KIF13B: variants seen among roughly 807,000 people sequenced by gnomAD.
KIF13B encodes kinesin-like protein KIF13B.
A neutral mutation model predicts 222.0 loss-of-function variants in KIF13B; 127 were observed. The ratio of observed to expected loss-of-function variants is 0.57; its 90% CI spans 0.50 to 0.66. KIF13B has a LOEUF of 0.66. Among genes scored for constraint, KIF13B ranks in the 30% least tolerant of loss-of-function variants. The pLI is 0.00. For synonymous variants in KIF13B, 976 were observed against 919.0 expected, an observed-to-expected ratio of 1.06 and a Z score of -1.12; for missense variants, 2,173 against 2,379.0, an observed-to-expected ratio of 0.91 and a Z score of 1.80.
chr8:29,111,951 ACT>A (rs1474553549), intron 32 of KIF13B, among the ~76,000 whole-genome samples: 3 of 152,228 alleles, frequency 2.0e-5, no homozygotes, highest in Non-Finnish European at 4.4e-5. Flanking sequence ...GCAACGACTA[ACT>A]CTGCAAACAG....
chr8:29,244,187 G>A (rs1011996957), intron 2 of KIF13B, among the ~76,000 whole-genome samples: 1 of 152,062 alleles, frequency 6.6e-6, no homozygotes, highest in East Asian at 1.9e-4. Context: ...CTAATTTTTT[G>A]TATTTTTAGT....
At position 29,072,240 on chromosome 8, in the gene KIF13B, G is replaced by T. The variant is rs757515152; in HGVS notation, c.4598C>A (p.Ala1533Asp). The T allele has an allele frequency of 6.8e-7, 1 of 1,470,964 alleles. No individual in the cohort carries two copies. Among genetic ancestry groups the T allele is most frequent in the South Asian group, 1.4e-5 (1 of 69,832 alleles). 91.1% of individuals were successfully genotyped at this position (1,470,964 alleles called of 1,614,324 possible). A position where few individuals can be genotyped will look rare whatever the true frequency, so the allele number is the denominator to read the frequency against. Residue 1533 changes from alanine (A) to aspartate (D), a missense_variant, in exon 39 of 40, where the codon GCC becomes GAC. Coordinates refer to ENST00000524189, the MANE Select transcript of KIF13B (RefSeq NM_015254.4). ...APALKICDKP[A>D]KVPSPPPVIA... ...GACAGGCGGTGGGGAAGGCACTTTG[G>T]CAGGTTTGTCGCAGATCTTCAAGGC...
At chr8:29,257,243 C>G (rs893431705) in intron 1 of KIF13B, among the ~76,000 whole-genome samples, 2 of 152,138 alleles carry the variant, frequency 1.3e-5, no homozygotes. Context: ...AGCGAAAGCC[C>G]CATACAGTTA....
At chr8:29,168,040 T>C (rs1812080508) in intron 10 of KIF13B, among the ~76,000 whole-genome samples, 1 of 152,232 alleles carries the variant, frequency 6.6e-6, no homozygotes, top group Non-Finnish European at 1.5e-5. Flanking sequence ...TAATAATGGC[T>C]CAGAAAGTTG....
chr8:29,182,022 A>G lies in KIF13B; in HGVS notation c.498-16T>C. On this transcript the variant is annotated splice_polypyrimidine_tract_variant and intron_variant, in intron 6 of 39. Transcript: ENST00000524189. ...CTGACGGCTTCTGTTCATGAAAAAC[A>G]AAGAAATGATTTTTTAACAATAGCC... The G allele has an allele frequency of 1.2e-6, 2 of 1,604,178 alleles. No individual in the cohort carries two copies. The highest frequency in any genetic ancestry group is 1.7e-6 in the Non-Finnish European group (2 of 1,171,916).
chr8:29,081,096 C>T (rs989943935), intron 37 of KIF13B, among the ~76,000 whole-genome samples: 10 of 152,206 alleles, frequency 6.6e-5, no homozygotes, highest in South Asian at 2.1e-4. Flanking sequence ...CGGCTCGATC[C>T]GTCCCTCCTG....
In KIF13B at chr8:29,130,660, C is replaced by G; in HGVS notation, c.2948G>C (p.Ser983Thr). ...AKTRSLRDRWSEVTRKLEFWV... is the reference protein window; with the variant it reads ...AKTRSLRDRWTEVTRKLEFWV... Reference sequence around the variant, plus strand: ...GAATTCCAATTTCCTGGTCACTTCACTCCATCTAGGAAATAAGCGAAGTTC... The same window carrying G: ...GAATTCCAATTTCCTGGTCACTTCAGTCCATCTAGGAAATAAGCGAAGTTC... The change falls in exon 24 of 40, where the codon AGT becomes ACT. Residue 983 changes from serine (S) to threonine (T), a missense_variant. Coordinates refer to ENST00000524189, the MANE Select transcript of KIF13B (RefSeq NM_015254.4). The G allele has an allele frequency of 6.2e-7, 1 of 1,613,820 alleles. No individual in the cohort carries two copies. Among genetic ancestry groups the G allele is most frequent in the Non-Finnish European group, 8.5e-7 (1 of 1,179,774 alleles).
chr8:29,094,380 C>T (rs528326527), intron 36 of KIF13B, among the ~76,000 whole-genome samples: 1 of 152,328 alleles, frequency 6.6e-6, no homozygotes, highest in African/African-American at 2.4e-5. Context: ...AAACACAATG[C>T]ATGGTCGTGA....
chr8:29,075,173 A>G, intron 38 of KIF13B, 108 bp downstream of exon 38: 2 of 844,058 alleles, frequency 2.4e-6, no homozygotes, highest in Non-Finnish European at 3.9e-6. Context: ...TAATTACCAA[A>G]ACAGGAATGC....
intron 2 of KIF13B, among the ~76,000 whole-genome samples, chr8:29,223,166 A>C (rs1239762726): frequency 2.6e-5 from 1 of 38,070 alleles, no homozygotes; most frequent in Admixed American, 3.6e-4. Context: ...AAAAAATACA[A>C]AAAAAAAAAA....
chr8:29,166,377 T>C (rs929838647), intron 11 of KIF13B, among the ~76,000 whole-genome samples: 10 of 151,958 alleles, frequency 6.6e-5, no homozygotes, highest in Non-Finnish European at 1.0e-4. Context: ...CAGTGCTGAG[T>C]AACTGTGGGA....
chr8:29,113,832 G>C (rs1809469758), intron 31 of KIF13B, among the ~76,000 whole-genome samples: 1 of 152,188 alleles, frequency 6.6e-6, no homozygotes, highest in Non-Finnish European at 1.5e-5. Context: ...GCATCTGGAT[G>C]AACGGTGCTT....
At chr8:29,240,802 A>G (rs1355399756) in intron 2 of KIF13B, among the ~76,000 whole-genome samples, 3 of 152,132 alleles carry the variant, frequency 2.0e-5, no homozygotes, top group Non-Finnish European at 4.4e-5. Context: ...AGTTACCTCC[A>G]TTTTCTTTAC....
chr8:29,101,090 G>A (rs371155407), intron 35 of KIF13B, among the ~76,000 whole-genome samples: 2 of 152,178 alleles, frequency 1.3e-5, no homozygotes, highest in African/African-American at 2.4e-5. Context: ...ATACTTCAGC[G>A]GAGGAGCGCT....
At chr8:29,250,047 C>A (rs1477846464) in intron 1 of KIF13B, 13 of 1,289,098 alleles carry the variant, frequency 1.0e-5, no homozygotes, top group South Asian at 1.2e-5. Flanking sequence ...TTAATGGAAT[C>A]TGACCATATT....
At position 29,228,472 on chromosome 8, in the gene KIF13B, A is replaced by AAAAATATATAT; in HGVS notation, c.149+16873_149+16874insATATATATTTT. The stretch of plus-strand genomic sequence containing the variant: ...ACAGAGCCAGACTCCATCTTAAAAA[A>AAAAATATATAT]ATATATATATATATATATGAGATAC... On this transcript the variant is annotated intron_variant, in intron 2 of 39. Transcript: ENST00000524189. Among the ~76,000 whole-genome samples, 513 of 117,078 alleles carry AAAAATATATAT rather than the reference A, an allele frequency of 4.4e-3. 26 individuals carry two copies. The highest frequency in any genetic ancestry group is 5.8e-3 in the Non-Finnish European group (331 of 56,644). 76.8% of individuals were successfully genotyped at this position (117,078 alleles called of 152,430 possible).
intron 36 of KIF13B, among the ~76,000 whole-genome samples, chr8:29,097,256 G>A (rs945599368): frequency 9.1e-6 from 1 of 109,652 alleles, no homozygotes; most frequent in South Asian, 3.4e-4. Flanking sequence ...ACTCTATCAG[G>A]AAGATATAAC....
Position 29,190,978 on chromosome 8 carries a change from G to A in KIF13B, c.223+19C>T. ...TCTTCTACACCATCAGTAGTTGACA[G>A]GATGCTGGATTCTATTACCTGCATA... is the stretch of plus-strand genomic sequence containing the variant. On this transcript the variant is annotated intron_variant, in intron 4 of 39. Coordinates refer to ENST00000524189, the MANE Select transcript of KIF13B (RefSeq NM_015254.4). 6.3e-7 allele frequency: 1 copy of A among 1,598,592 alleles called. No homozygotes were observed. Among genetic ancestry groups the A allele is most frequent in the Non-Finnish European group, 8.6e-7 (1 of 1,165,952 alleles).
chr8:29,180,068 G>A (rs756400003), intron 8 of KIF13B, 36 bp downstream of exon 8: 1 of 1,609,036 alleles, frequency 6.2e-7, no homozygotes, highest in African/African-American at 1.3e-5. Flanking sequence ...ATCCACTTTA[G>A]AAATATAAAA....
Sources: gnomAD v4.1 joint callset for allele counts (sites outside exome capture counted in the v4.1 genomes callset) on GRCh38, gnomAD v4.1.1 for gene constraint, MANE v1.5 for transcripts, NCBI Gene and HGNC (gene_info 2026-07-23, HGNC 2026-07-21) for gene names.